Variants in RIMS1 observed in about 807,000 individuals in gnomAD.
RIMS1 encodes the protein regulating synaptic membrane exocytosis protein 1.
In RIMS1, 83 loss-of-function variants were observed where a neutral mutation model predicts 214.1. That is an observed-to-expected ratio of 0.39 (90% CI 0.32 to 0.47). The LOEUF (loss-of-function observed/expected upper bound fraction) is 0.47. Among genes scored for constraint, RIMS1 ranks in the 20% least tolerant of loss-of-function variants. RIMS1 has a pLI of 0.99. For synonymous variants in RIMS1, 793 were observed against 786.8 expected (o/e 1.01, Z -0.13); for missense variants, 2,050 against 2,161.8 (o/e 0.95, Z 1.03).
chr6:71,974,491 T>C (rs180796453), intron 2 of RIMS1, among the ~76,000 whole-genome samples: 8 of 152,330 alleles, frequency 5.3e-5, no homozygotes, highest in Non-Finnish European at 1.2e-4. Flanking sequence ...TGTGTGTTTT[T>C]CAGAGTTATC....
chr6:72,114,543 T>A (rs900506322), intron 4 of RIMS1, among the ~76,000 whole-genome samples: 1 of 151,984 alleles, frequency 6.6e-6, no homozygotes, highest in East Asian at 1.9e-4. Context: ...ATATCAAATT[T>A]TTTTTGTTAA....
intron 28 of RIMS1, chr6:72,316,800 T>TAGG: frequency 1.4e-6 from 1 of 738,988 alleles, no homozygotes; most frequent in Non-Finnish European, 2.5e-6. Context: ...CTGGGGACAG[T>TAGG]AGGTGGGTGG....
At chr6:72,029,817 C>G (rs377614501) in intron 2 of RIMS1, among the ~76,000 whole-genome samples, 18 of 152,180 alleles carry the variant, frequency 1.2e-4, no homozygotes, top group Middle Eastern at 3.4e-3. Flanking sequence ...AAAGATGTAG[C>G]TAATGTAAGT....
intron 2 of RIMS1, among the ~76,000 whole-genome samples, chr6:72,092,484 T>A (rs1219497062): frequency 1.3e-5 from 2 of 152,116 alleles, no homozygotes; most frequent in African/African-American, 4.8e-5. Flanking sequence ...AAGAGAGTTA[T>A]AGACTGAGAA....
rs529886816 is a variant in RIMS1, at chr6:72,074,168, G to A, written c.246-22781G>A. Among the ~76,000 whole-genome samples, 119 of 152,086 alleles carry A rather than the reference G, an allele frequency of 7.8e-4. 1 individual carries two copies. Among genetic ancestry groups the A allele is most frequent in the Admixed American group, 2.0e-3 (30 of 15,286 alleles). On this transcript the variant is annotated intron_variant, in intron 2 of 33. Coordinates refer to ENST00000521978, the MANE Select transcript of RIMS1 (RefSeq NM_014989.7). ...TCTCTGACCCACTCTCCATTTGCCC[G>A]TTACTACCTTAAGAGAGGTAGTTTT...
intron 6 of RIMS1, among the ~76,000 whole-genome samples, chr6:72,187,911 G>C (rs570752863): frequency 1.3e-5 from 2 of 152,236 alleles, no homozygotes; most frequent in South Asian, 4.2e-4. Flanking sequence ...AGGGTCACAA[G>C]GTGAGGTCCC....
At chr6:72,279,442 G>T (rs1363127327) in intron 23 of RIMS1, among the ~76,000 whole-genome samples, 1 of 151,902 alleles carries the variant, frequency 6.6e-6, no homozygotes, top group Non-Finnish European at 1.5e-5. Context: ...TTAGTACATT[G>T]TGAACTAGAA....
At chr6:71,971,111 T>C (rs1449264928) in intron 2 of RIMS1, among the ~76,000 whole-genome samples, 39 of 152,208 alleles carry the variant, frequency 2.6e-4, no homozygotes, top group Non-Finnish European at 2.9e-5. Context: ...ATATGGTAAC[T>C]GTGTCAAAAT....
At chr6:72,034,833 G>T (rs1237292649) in intron 2 of RIMS1, among the ~76,000 whole-genome samples, 1 of 152,094 alleles carries the variant, frequency 6.6e-6, no homozygotes, top group Non-Finnish European at 1.5e-5. Flanking sequence ...ATGTAAATAT[G>T]AAATATACAG....
At chr6:72,017,774 A>G (rs1021033391) in intron 2 of RIMS1, among the ~76,000 whole-genome samples, 14 of 152,224 alleles carry the variant, frequency 9.2e-5, no homozygotes, top group Non-Finnish European at 1.9e-4. Context: ...ACATATTGCA[A>G]TAATATGTAG....
rs1211866802 is a variant in RIMS1, at chr6:71,952,994, T to A, written c.165-15989T>A. Among the ~76,000 whole-genome samples the A allele has an allele frequency of 2.0e-5, 3 of 151,168 alleles. No homozygotes were observed. The South Asian group carries it at 6.3e-4, about 32-fold the overall frequency. ...AGCGCATCTTTTTTTTTTTTTTTCA[T>A]TTTATTTTTTGAGACAGAGTCTCAC... On this transcript the variant is annotated intron_variant, in intron 1 of 33. Coordinates refer to ENST00000521978, the MANE Select transcript of RIMS1 (RefSeq NM_014989.7).
Position 72,265,385 on chromosome 6 carries a change from TG to T in RIMS1, c.3195-3del. ...TTTATTTTTGTGTAATTTTAATTTGTGGAGCTCAATTCTGCCTGCACATACT... is the reference window on the plus strand; with the variant it reads ...TTTATTTTTGTGTAATTTTAATTTGTGAGCTCAATTCTGCCTGCACATACT... On this transcript the variant is annotated splice_region_variant and splice_polypyrimidine_tract_variant and intron_variant, in intron 20 of 33. Transcript: ENST00000521978. 1 of 1,468,120 alleles carries T rather than the reference TG, an allele frequency of 6.8e-7. No individual in the cohort carries two copies. Among genetic ancestry groups the T allele is most frequent in the Non-Finnish European group, 9.4e-7 (1 of 1,060,332 alleles). The allele number at this position is 1,468,120 out of a possible 1,614,324, so 90.9% of individuals were successfully genotyped here.
intron 6 of RIMS1, among the ~76,000 whole-genome samples, chr6:72,230,516 G>C (rs1168557060): frequency 6.6e-6 from 1 of 151,510 alleles, no homozygotes; most frequent in Non-Finnish European, 1.5e-5. Context: ...AATCGTGCCT[G>C]TATATTATTT....
rs546446952 is a variant in RIMS1 at position 72,387,642 on chromosome 6, G to A, written c.4367-2956G>A. 4.6e-5 allele frequency among the ~76,000 whole-genome samples: 7 copies of A among 152,324 alleles called. No individual in the cohort carries two copies. The South Asian group carries it at 1.5e-3, about 32-fold the overall frequency. ...ACGTTCCACAATGACAAGTCAAGTG[G>A]ACAAGACAGAGTCCAAAAAGGGGAT... On this transcript the variant is annotated intron_variant, in intron 29 of 33. Coordinates refer to ENST00000521978, the MANE Select transcript of RIMS1 (RefSeq NM_014989.7).
chr6:72,133,031 C>G (rs1049168200), intron 4 of RIMS1, among the ~76,000 whole-genome samples: 1 of 152,118 alleles, frequency 6.6e-6, no homozygotes, highest in Non-Finnish European at 1.5e-5. Flanking sequence ...CACAATTGCT[C>G]CAGGCCATGC....
At chr6:72,368,194 C>T (rs530978273) in intron 29 of RIMS1, among the ~76,000 whole-genome samples, 1 of 151,216 alleles carries the variant, frequency 6.6e-6, no homozygotes, top group African/African-American at 2.4e-5. Flanking sequence ...TTATAGGCAG[C>T]AAGAAATTAT....
intron 30 of RIMS1, 83 bp downstream of exon 30, chr6:72,390,819 A>G: frequency 6.8e-7 from 1 of 1,480,964 alleles, no homozygotes; most frequent in South Asian, 1.3e-5. Flanking sequence ...ACTGAGTGTT[A>G]CTGTGCAGCT....
chr6:72,095,309 G>T (rs567403517), intron 2 of RIMS1, among the ~76,000 whole-genome samples: 2 of 151,888 alleles, frequency 1.3e-5, no homozygotes, highest in African/African-American at 2.4e-5. Context: ...GATTGCCGGT[G>T]CCATTTTGCA....
chr6:71,895,565 T>C (rs1771425187), intron 1 of RIMS1, among the ~76,000 whole-genome samples: 1 of 150,300 alleles, frequency 6.7e-6, no homozygotes, highest in Non-Finnish European at 1.5e-5. Context: ...TCCCAGCTAC[T>C]TGGGAGGCTG....
Sources: gnomAD v4.1 joint callset for allele counts (sites outside exome capture counted in the v4.1 genomes callset) on GRCh38, gnomAD v4.1.1 for gene constraint, MANE v1.5 for transcripts, NCBI Gene and HGNC (gene_info 2026-07-23, HGNC 2026-07-21) for gene names.